MACROD2: variants seen among roughly 807,000 people sequenced by gnomAD.
MACROD2 encodes ADP-ribose glycohydrolase MACROD2.
In MACROD2, 36 loss-of-function variants were observed where a neutral mutation model predicts 70.4. The ratio of observed to expected loss-of-function variants is 0.51; its 90% confidence interval spans 0.39 to 0.68. MACROD2 has a LOEUF of 0.68. Among genes scored for constraint, MACROD2 ranks in the 30% least tolerant of loss-of-function variants. The pLI is 0.00. For synonymous variants in MACROD2, 172 were observed against 178.8 expected, an observed-to-expected ratio of 0.96 and a Z score of 0.30; for missense variants, 496 against 538.4, an observed-to-expected ratio of 0.92 and a Z score of 0.78.
rs1328958821 is a variant in MACROD2 at position 15,073,802 on chromosome 20, A to C, written c.419-156138A>C. ...TAATTCACAGAAGCTGACTATAAAA[A>C]ATAACTAAGAAGCTTCTTTTCTTCC... On this transcript the variant is annotated intron_variant, in intron 5 of 17. Transcript: ENST00000684519. Among the ~76,000 whole-genome samples, 8 of 152,184 alleles carry C rather than the reference A, an allele frequency of 5.3e-5. No homozygotes were observed. In the East Asian group the frequency reaches 1.5e-3, roughly 29 times the overall value.
intron 2 of MACROD2, among the ~76,000 whole-genome samples, chr20:14,020,281 T>C (rs1235442540): frequency 2.6e-5 from 4 of 152,194 alleles, no homozygotes. Context: ...AAGACCAGCC[T>C]GACCAATACG....
rs565261003 is a variant in MACROD2 at position 14,399,018 on chromosome 20, A to G, written c.272-94461A>G. Reference sequence around the variant, plus strand: ...CTAAAAAAGTTTTTATGCCTCAATGAGTATTTTTTTTTTTTTTTTGAGGTG... The same window carrying G: ...CTAAAAAAGTTTTTATGCCTCAATGGGTATTTTTTTTTTTTTTTTGAGGTG... On this transcript the variant is annotated intron_variant, in intron 3 of 17. Transcript: ENST00000684519. Among the ~76,000 whole-genome samples, 33 of 145,464 alleles carry G rather than the reference A, an allele frequency of 2.3e-4. 1 individual carries two copies. In the South Asian group the frequency reaches 6.3e-3, roughly 28 times the overall value.
At chr20:15,567,534 T>G (rs2048326275) in intron 8 of MACROD2, among the ~76,000 whole-genome samples, 1 of 152,238 alleles carries the variant, frequency 6.6e-6, no homozygotes, top group Non-Finnish European at 1.5e-5. Flanking sequence ...GGAACCTTGT[T>G]CATGTGCTTT....
intron 3 of MACROD2, among the ~76,000 whole-genome samples, chr20:14,467,230 A>T (rs2084464195): frequency 6.6e-6 from 1 of 152,140 alleles, no homozygotes; most frequent in African/African-American, 2.4e-5. Context: ...AAGCCTGAGC[A>T]ATGGCAGGCG....
At chr20:14,689,357 ATTC>A in intron 5 of MACROD2, among the ~76,000 whole-genome samples, 1 of 152,318 alleles carries the variant, frequency 6.6e-6, no homozygotes, top group Admixed American at 6.5e-5. Flanking sequence ...ATGGGCACAG[ATTC>A]TTCTTTCTTC....
intron 8 of MACROD2, among the ~76,000 whole-genome samples, chr20:15,838,958 T>C (rs563087270): frequency 6.6e-6 from 1 of 152,260 alleles, no homozygotes; most frequent in South Asian, 2.1e-4. Flanking sequence ...AACTCATACA[T>C]GTGTATGCAT....
intron 12 of MACROD2, among the ~76,000 whole-genome samples, chr20:15,958,373 C>T (rs1288156233): frequency 6.6e-6 from 1 of 152,178 alleles, no homozygotes; most frequent in Non-Finnish European, 1.5e-5. Flanking sequence ...TTAGCCAACA[C>T]CCTACCAGTT....
intron 8 of MACROD2, among the ~76,000 whole-genome samples, chr20:15,608,647 C>G (rs1294878728): frequency 6.6e-6 from 1 of 152,148 alleles, no homozygotes; most frequent in Non-Finnish European, 1.5e-5. Flanking sequence ...TTCAACTCCT[C>G]CCTAATAGGC....
intron 5 of MACROD2, among the ~76,000 whole-genome samples, chr20:14,766,400 A>C (rs73104583): frequency 0.015 from 2,267 of 152,234 alleles, 31 homozygotes; most frequent in Non-Finnish European, 0.022. Flanking sequence ...ATAGTGCTGG[A>C]AGTGCTGATA....
chr20:14,633,018 C>T (rs566647014), intron 4 of MACROD2, among the ~76,000 whole-genome samples: 10 of 152,324 alleles, frequency 6.6e-5, no homozygotes, highest in South Asian at 2.1e-4. Context: ...AAATCAGTGT[C>T]GCGGTGTGGA....
chr20:15,356,714 G>A (rs2078291486), intron 6 of MACROD2, among the ~76,000 whole-genome samples: 1 of 152,162 alleles, frequency 6.6e-6, no homozygotes, highest in Non-Finnish European at 1.5e-5. Context: ...AACCTGGGAG[G>A]CAGAGATTGT....
At chr20:15,562,193 C>T (rs1432345884) in intron 8 of MACROD2, among the ~76,000 whole-genome samples, 1 of 152,076 alleles carries the variant, frequency 6.6e-6, no homozygotes, top group Non-Finnish European at 1.5e-5. Flanking sequence ...CCCCACCAGC[C>T]AGCCTTAGTT....
chr20:15,423,099 T>A (rs2046251844), intron 6 of MACROD2, among the ~76,000 whole-genome samples: 1 of 151,154 alleles, frequency 6.6e-6, no homozygotes, highest in Admixed American at 6.6e-5. Context: ...AGTTTTAGCA[T>A]AGTTATATCA....
chr20:14,354,068 G>T (rs902293448), intron 3 of MACROD2, among the ~76,000 whole-genome samples: 1 of 152,052 alleles, frequency 6.6e-6, no homozygotes, highest in Admixed American at 6.6e-5. Context: ...ATTTTTGTTT[G>T]TTTTACCAAT....
intron 8 of MACROD2, among the ~76,000 whole-genome samples, chr20:15,561,920 G>A (rs2048249935): frequency 6.6e-6 from 1 of 152,010 alleles, no homozygotes; most frequent in Non-Finnish European, 1.5e-5. Context: ...AATTATGCAT[G>A]TACTTTCCTG....
At chr20:14,000,675 T>C (rs898280153) in intron 1 of MACROD2, among the ~76,000 whole-genome samples, 1 of 152,228 alleles carries the variant, frequency 6.6e-6, no homozygotes, top group Non-Finnish European at 1.5e-5. Context: ...AGTTTATACA[T>C]TGAATATTGG....
Position 14,256,137 on chromosome 20 carries a change from C to G in MACROD2, c.271+170409C>G, listed in dbSNP as rs547439893. On this transcript the variant is annotated intron_variant, in intron 3 of 17. Coordinates refer to ENST00000684519, the MANE Select transcript of MACROD2 (RefSeq NM_001351661.2). ...TCTTTTTGCCTTTTTATGCCTAAATCTGTCCGTATTCTAGTTTTGCTATTC... is the reference window on the plus strand; with the variant it reads ...TCTTTTTGCCTTTTTATGCCTAAATGTGTCCGTATTCTAGTTTTGCTATTC... Among the ~76,000 whole-genome samples the G allele has an allele frequency of 4.0e-4, 61 of 152,146 alleles. 1 individual carries two copies. The South Asian group carries it at 0.012, about 29-fold the overall frequency.
At chr20:14,993,265 CT>C (rs559777859) in intron 5 of MACROD2, among the ~76,000 whole-genome samples, 7,431 of 140,584 alleles carry the variant, frequency 0.053, 241 homozygotes, top group African/African-American at 0.098. Flanking sequence ...GCTATGGTTA[CT>C]TTTTTTTTTT....
intron 3 of MACROD2, among the ~76,000 whole-genome samples, chr20:14,199,909 A>C (rs1488477310): frequency 6.6e-6 from 1 of 152,142 alleles, no homozygotes; most frequent in Non-Finnish European, 1.5e-5. Context: ...TGAATTTGTG[A>C]TGGTTTACTT....
Sources: gnomAD v4.1 joint callset for allele counts (sites outside exome capture counted in the v4.1 genomes callset) on GRCh38, gnomAD v4.1.1 for gene constraint, MANE v1.5 for transcripts, NCBI Gene and HGNC (gene_info 2026-07-23, HGNC 2026-07-21) for gene names.